Variants in RTN1 observed in about 807,000 individuals in gnomAD.
RTN1 encodes reticulon-1.
Under a neutral mutation model 65.5 loss-of-function variants are expected in RTN1, and 25 were observed. The ratio of observed to expected loss-of-function variants is 0.38; its 90% CI spans 0.28 to 0.53. The LOEUF is 0.53. Ranked by LOEUF, RTN1 falls within the 20% of genes least tolerant of loss-of-function variation. RTN1 has a pLI of 0.79. For missense variants in RTN1, 983 were observed against 1,025.4 expected (o/e 0.96, Z 0.57); for synonymous variants, 471 against 447.6 (o/e 1.05, Z -0.66).
At chr14:59,714,794 C>T (rs1884499739) in intron 3 of RTN1, among the ~76,000 whole-genome samples, 1 of 152,216 alleles carries the variant, frequency 6.6e-6, no homozygotes, top group Admixed American at 6.5e-5. Flanking sequence ...CCCCAAACCC[C>T]TGGCCGCAGA....
intron 1 of RTN1, among the ~76,000 whole-genome samples, chr14:59,772,762 A>G (rs1338120051): frequency 2.6e-5 from 4 of 152,042 alleles, no homozygotes; most frequent in Admixed American, 1.3e-4. Context: ...TCAAACAAAC[A>G]CTTTAGGCAA....
In RTN1 at chr14:59,727,712, C is replaced by T. The variant is rs1409096907; in HGVS notation, c.1016-44G>A. On this transcript the variant is annotated intron_variant, in intron 2 of 8. Coordinates refer to ENST00000267484, the MANE Select transcript of RTN1 (RefSeq NM_021136.3). The surrounding 1 kb of genome is among the most constrained non-coding windows in gnomAD (Gnocchi z 4.2). ...AAGGAGAGCCACGGAGGCACACACA[C>T]GGACAGACAGATGGACAGAGAGAGG... 1.3e-6 allele frequency: 2 copies of T among 1,532,770 alleles called. No homozygotes were observed. 94.9% of individuals were successfully genotyped at this position (1,532,770 alleles called of 1,614,324 possible). A position where few individuals can be genotyped will look rare whatever the true frequency, so the allele number is the denominator to read the frequency against.
chr14:59,641,429 G>A (rs192002939), intron 3 of RTN1, among the ~76,000 whole-genome samples: 19 of 152,162 alleles, frequency 1.2e-4, no homozygotes, highest in Admixed American at 9.8e-4. Flanking sequence ...GAGTGCAGTG[G>A]TGCGATCTCA....
Position 59,610,753 on chromosome 14 carries a change from G to C in RTN1, c.1766-3261C>G, listed in dbSNP as rs187271226. Among the ~76,000 whole-genome samples the C allele has an allele frequency of 4.8e-3, 724 of 152,326 alleles. 4 individuals carry two copies. The highest frequency in any genetic ancestry group is 0.023 in the South Asian group (111 of 4,824). Reference sequence around the variant, plus strand: ...TTTGTAGGACTAACATTAGCCACAAGATAAGAAATTATGGTTTAGGAGTCA... The same window carrying C: ...TTTGTAGGACTAACATTAGCCACAACATAAGAAATTATGGTTTAGGAGTCA... On this transcript the variant is annotated intron_variant, in intron 3 of 8. Transcript: ENST00000267484.
intron 3 of RTN1, among the ~76,000 whole-genome samples, chr14:59,671,484 C>G (rs1238633411): frequency 6.6e-6 from 1 of 152,080 alleles, no homozygotes; most frequent in Non-Finnish European, 1.5e-5. Flanking sequence ...TAACATATAC[C>G]AAATGATAGA....
chr14:59,822,553 T>C (rs1215538037), intron 1 of RTN1, among the ~76,000 whole-genome samples: 1 of 152,208 alleles, frequency 6.6e-6, no homozygotes, highest in Non-Finnish European at 1.5e-5. Flanking sequence ...TTCTCCAAGC[T>C]TTGGGGTTGG....
At chr14:59,658,042 G>A (rs373669109) in intron 3 of RTN1, among the ~76,000 whole-genome samples, 15 of 152,322 alleles carry the variant, frequency 9.8e-5, no homozygotes, top group East Asian at 3.9e-4. Context: ...GACCTGGGAC[G>A]CTTCAGGTTG....
intron 3 of RTN1, among the ~76,000 whole-genome samples, chr14:59,725,839 G>A (rs988126193): frequency 4.6e-5 from 7 of 152,154 alleles, no homozygotes; most frequent in Non-Finnish European, 8.8e-5. Flanking sequence ...TTTAACTGCC[G>A]CTAACATCAT....
At chr14:59,815,474 T>C (rs1482728016) in intron 1 of RTN1, among the ~76,000 whole-genome samples, 1 of 152,202 alleles carries the variant, frequency 6.6e-6, no homozygotes, top group Non-Finnish European at 1.5e-5. Context: ...CCCCCTACAG[T>C]TGCCATGGTC....
intron 3 of RTN1, among the ~76,000 whole-genome samples, chr14:59,616,090 A>G (rs1377527817): frequency 6.6e-6 from 1 of 152,142 alleles, no homozygotes; most frequent in East Asian, 1.9e-4. Context: ...CAAAAATAAC[A>G]TTTGGCTTAT....
At position 59,862,390 on chromosome 14, in the gene RTN1, T is replaced by A. The variant is rs140829776; in HGVS notation, c.241+8000A>T. Among the ~76,000 whole-genome samples the A allele has an allele frequency of 3.1e-3, 472 of 152,316 alleles. 3 individuals are homozygous for A. The highest frequency in any genetic ancestry group is 0.02 in the Middle Eastern group (6 of 294). Reference sequence around the variant, plus strand: ...TCACCTTTCTTCTGGACTCCTCCAATGACCTTGTCATCCACTCCATCTCAG... The same window carrying A: ...TCACCTTTCTTCTGGACTCCTCCAAAGACCTTGTCATCCACTCCATCTCAG... On this transcript the variant is annotated intron_variant, in intron 1 of 8. Coordinates refer to ENST00000267484, the MANE Select transcript of RTN1 (RefSeq NM_021136.3).
At chr14:59,647,573 A>G (rs769172361) in intron 3 of RTN1, among the ~76,000 whole-genome samples, 1 of 152,238 alleles carries the variant, frequency 6.6e-6, no homozygotes, top group Non-Finnish European at 1.5e-5. Context: ...CAGCAAATGT[A>G]AAAGAACTGA....
intron 3 of RTN1, among the ~76,000 whole-genome samples, chr14:59,644,497 G>C (rs1376498947): frequency 6.6e-6 from 1 of 152,164 alleles, no homozygotes; most frequent in Admixed American, 6.5e-5. Flanking sequence ...AGCTGCTCAG[G>C]CACACGTGGA....
In RTN1 at chr14:59,841,715, A is replaced by G. The variant is rs1488677193; in HGVS notation, c.241+28675T>C. Among the ~76,000 whole-genome samples the G allele has an allele frequency of 6.3e-5, 9 of 142,962 alleles. No homozygotes were observed. The South Asian group carries it at 7.1e-4, about 11-fold the overall frequency. The allele number at this position is 142,962 out of a possible 152,430, so 93.8% of individuals were successfully genotyped here. ...GAGCGAGACTCCATTAAAAAAAAAA[A>G]CAAAAAAAAAAACAGCAGACTCTAG... On this transcript the variant is annotated intron_variant, in intron 1 of 8. Transcript: ENST00000267484.
intron 1 of RTN1, among the ~76,000 whole-genome samples, chr14:59,747,408 G>A (rs866971534): frequency 6.6e-6 from 1 of 152,252 alleles, no homozygotes; most frequent in East Asian, 1.9e-4. Context: ...TCGGGAGTTC[G>A]TAGACCAGCC....
chr14:59,666,138 A>G (rs1283662528), intron 3 of RTN1, among the ~76,000 whole-genome samples: 2 of 152,212 alleles, frequency 1.3e-5, no homozygotes, highest in East Asian at 1.9e-4. Context: ...CAGAATATAC[A>G]TTATTCTCAG....
At position 59,749,578 on chromosome 14, in the gene RTN1, T is replaced by G. The variant is rs1266932799; in HGVS notation, c.242-3097A>C. Among the ~76,000 whole-genome samples the G allele has an allele frequency of 5.1e-5, 2 of 39,278 alleles. 1 individual carries two copies. Among genetic ancestry groups the G allele is most frequent in the Non-Finnish European group, 7.4e-5 (2 of 27,042 alleles). 25.8% of individuals were successfully genotyped at this position (39,278 alleles called of 152,430 possible). A position where few individuals can be genotyped will look rare whatever the true frequency, so the allele number is the denominator to read the frequency against. ...AGATATCTATATATAGATATATATA[T>G]ATAGATATTTATATATATATCTATC... On this transcript the variant is annotated intron_variant, in intron 1 of 8. Coordinates refer to ENST00000267484, the MANE Select transcript of RTN1 (RefSeq NM_021136.3).
At chr14:59,698,138 C>T (rs949954537) in intron 3 of RTN1, among the ~76,000 whole-genome samples, 3 of 152,100 alleles carry the variant, frequency 2.0e-5, no homozygotes, top group Admixed American at 2.0e-4. Context: ...ACTGTCAGAA[C>T]TTTCTAAGGA....
At chr14:59,599,622 G>T (rs1397863821) in intron 8 of RTN1, among the ~76,000 whole-genome samples, 1 of 152,100 alleles carries the variant, frequency 6.6e-6, no homozygotes, top group Non-Finnish European at 1.5e-5. Flanking sequence ...ACACCAAGAA[G>T]ACTTGCTGAC....
Sources: gnomAD v4.1 joint callset for allele counts (sites outside exome capture counted in the v4.1 genomes callset) on GRCh38, gnomAD v4.1.1 for gene constraint, Gnocchi (gnomAD v3.1) non-coding constraint, MANE v1.5 for transcripts, NCBI Gene and HGNC (gene_info 2026-07-23, HGNC 2026-07-21) for gene names.